The following PRPSAP1 variants were observed in gnomAD, a reference collection of about 807,000 sequenced individuals.
PRPSAP1 encodes phosphoribosyl pyrophosphate synthase-associated protein 1.
A neutral mutation model predicts 39.4 loss-of-function variants in PRPSAP1; 31 were observed. That is an observed-to-expected ratio of 0.79 (90% CI 0.59 to 1.06). The LOEUF (loss-of-function observed/expected upper bound fraction) is 1.06, where lower values mean the gene tolerates loss of function less well. Among genes scored for constraint, PRPSAP1 ranks in the 50% least tolerant of loss-of-function variants. PRPSAP1 has a pLI of 0.00. For synonymous variants in PRPSAP1, 212 were observed against 192.6 expected, an observed-to-expected ratio of 1.10 and a Z score of -0.83; for missense variants, 430 against 511.6, an observed-to-expected ratio of 0.84 and a Z score of 1.54.
intron 1 of PRPSAP1, among the ~76,000 whole-genome samples, chr17:76,349,179 C>T (rs1418958028): frequency 6.6e-6 from 1 of 151,728 alleles, no homozygotes; most frequent in Non-Finnish European, 1.5e-5. Flanking sequence ...TGGAGCATGC[C>T]TGTAATCTCA....
chr17:76,352,560 G>A (rs2071587097), intron 1 of PRPSAP1, among the ~76,000 whole-genome samples: 1 of 150,554 alleles, frequency 6.6e-6, no homozygotes, highest in Non-Finnish European at 1.5e-5. Flanking sequence ...CAGGACAATG[G>A]CGTGAACCCG....
chr17:76,330,377 T>C (rs573819885), intron 5 of PRPSAP1, 174 bp downstream of exon 5: 1 of 616,804 alleles, frequency 1.6e-6, no homozygotes, highest in South Asian at 2.2e-5. Flanking sequence ...GTTTTTAGTG[T>C]CTTTTAAAGC....
chr17:76,337,727 T>G (rs995077194), intron 3 of PRPSAP1, among the ~76,000 whole-genome samples: 12 of 152,182 alleles, frequency 7.9e-5, no homozygotes. Flanking sequence ...CACCTCAGCC[T>G]TCCGAATATC....
rs1295906978 is a variant in PRPSAP1 at position 76,309,749 on chromosome 17, AC to A, written c.*1792del. On this transcript the variant is annotated 3_prime_UTR_variant, in exon 10 of 10. Transcript: ENST00000446526. The stretch of plus-strand genomic sequence containing the variant: ...TGTGCATAGCTTATATGCAGATACT[AC>A]ACCATTTTCTATCAGGGACTTGCAC... 6.6e-6 allele frequency: 1 copy of A among 152,248 alleles called. No individual in the cohort carries two copies. Among genetic ancestry groups the A allele is most frequent in the African/African-American group, 2.4e-5 (1 of 41,468 alleles). 9.4% of individuals were successfully genotyped at this position (152,248 alleles called of 1,614,324 possible).
intron 3 of PRPSAP1, among the ~76,000 whole-genome samples, chr17:76,339,761 C>T (rs935631744): frequency 2.0e-5 from 3 of 151,686 alleles, no homozygotes; most frequent in African/African-American, 7.3e-5. Context: ...GTAAAATTGT[C>T]ATTGTTATTG....
At chr17:76,329,928 A>G (rs1264785861) in intron 6 of PRPSAP1, 115 bp downstream of exon 6, 22 of 914,372 alleles carry the variant, frequency 2.4e-5, no homozygotes, top group Admixed American at 2.1e-4. Context: ...AGGGGTTAAC[A>G]TGAGAGCCAG....
rs2071475759 is a variant in PRPSAP1, at chr17:76,344,575, CT to C, written c.290+95del. On this transcript the variant is annotated intron_variant, in intron 3 of 9. Transcript: ENST00000446526. ...CCACACGCCCGGCCTGAATATATAA[CT>C]TTTAAAAACACTAAGTTGTTGTTCA... is the stretch of plus-strand genomic sequence containing the variant. The C allele has an allele frequency of 1.2e-5, 14 of 1,163,122 alleles. 1 individual carries two copies. The South Asian group carries it at 1.9e-4, about 16-fold the overall frequency. The allele number at this position is 1,163,122 out of a possible 1,614,324, so 72.1% of individuals were successfully genotyped here. A position where few individuals can be genotyped will look rare whatever the true frequency, so the allele number is the denominator to read the frequency against.
chr17:76,319,338 A>T (rs1055706104), intron 7 of PRPSAP1: 1 of 152,178 alleles, frequency 6.6e-6, no homozygotes, highest in Non-Finnish European at 1.5e-5. Flanking sequence ...GAGCATGTCC[A>T]CCCTGAGCCC....
At chr17:76,321,846 A>G (rs1045460933) in intron 7 of PRPSAP1, among the ~76,000 whole-genome samples, 1 of 151,822 alleles carries the variant, frequency 6.6e-6, no homozygotes, top group Admixed American at 6.6e-5. Context: ...TCCAGGGAAC[A>G]CACAAATGAT....
chr17:76,349,247 T>C (rs1359408042), intron 1 of PRPSAP1, among the ~76,000 whole-genome samples: 1 of 150,032 alleles, frequency 6.7e-6, no homozygotes, highest in Non-Finnish European at 1.5e-5. Flanking sequence ...GAGGTTGTGG[T>C]GAGCCGAGAT....
intron 1 of PRPSAP1, 196 bp downstream of exon 1, chr17:76,353,338 C>T (rs2071600536): frequency 1.4e-5 from 8 of 573,206 alleles, no homozygotes; most frequent in South Asian, 1.2e-4. Context: ...CGAGAGTCCG[C>T]CCCAAGCCTC....
At chr17:76,322,489 T>A (rs2143475551) in intron 7 of PRPSAP1, among the ~76,000 whole-genome samples, 1 of 152,264 alleles carries the variant, frequency 6.6e-6, no homozygotes, top group Middle Eastern at 3.4e-3. Context: ...TAATACAACA[T>A]CCATTCTGCA....
At chr17:76,336,594 T>C (rs2071381780) in intron 3 of PRPSAP1, among the ~76,000 whole-genome samples, 1 of 151,214 alleles carries the variant, frequency 6.6e-6, no homozygotes, top group African/African-American at 2.4e-5. Context: ...TAGCCAGGCA[T>C]GGTGGTGCAT....
intron 3 of PRPSAP1, among the ~76,000 whole-genome samples, chr17:76,338,235 GGTATCTATGTGAT>G (rs2071399307): frequency 6.6e-6 from 1 of 152,034 alleles, no homozygotes; most frequent in African/African-American, 2.4e-5. Flanking sequence ...ACCAAAAAAA[GGTATCTATGTGAT>G]TTTAGAACAA....
intron 7 of PRPSAP1, among the ~76,000 whole-genome samples, chr17:76,321,276 G>A (rs977089687): frequency 8.5e-5 from 13 of 152,094 alleles, no homozygotes; most frequent in African/African-American, 2.4e-4. Context: ...CAAACTGGCT[G>A]GATGCAGTGG....
At chr17:76,313,976 G>A in intron 7 of PRPSAP1, 85 bp from the exon 8 acceptor site, 1 of 1,435,894 alleles carries the variant, frequency 7.0e-7, no homozygotes, top group Non-Finnish European at 9.7e-7. Flanking sequence ...CCTGGAAATG[G>A]TGGCAAAACC....
intron 3 of PRPSAP1, among the ~76,000 whole-genome samples, chr17:76,333,106 T>C (rs958020815): frequency 3.3e-5 from 5 of 151,806 alleles, no homozygotes; most frequent in African/African-American, 4.8e-5. Context: ...TTAGCCAGGA[T>C]GGTCTTCATC....
chr17:76,351,136 G>A (rs969123067), intron 1 of PRPSAP1, among the ~76,000 whole-genome samples: 2 of 152,164 alleles, frequency 1.3e-5, no homozygotes, highest in Non-Finnish European at 2.9e-5. Flanking sequence ...AGTAGCTCAC[G>A]CCTATAATCC....
At chr17:76,344,116 G>C (rs547226798) in intron 3 of PRPSAP1, among the ~76,000 whole-genome samples, 1 of 150,108 alleles carries the variant, frequency 6.7e-6, no homozygotes, top group South Asian at 2.1e-4. Context: ...GCTAACTTTT[G>C]TTTTTTATTC....
Sources: gnomAD v4.1 joint callset for allele counts (sites outside exome capture counted in the v4.1 genomes callset) on GRCh38, gnomAD v4.1.1 for gene constraint, MANE v1.5 for transcripts, NCBI Gene and HGNC (gene_info 2026-07-23, HGNC 2026-07-21) for gene names.